NFIC: variants seen among roughly 807,000 people sequenced by gnomAD.
NFIC encodes nuclear factor I C.
NFIC carries 12 observed loss-of-function variants against 54.4 expected under a neutral mutation model. That is an observed-to-expected ratio of 0.22 (90% CI 0.14 to 0.36). NFIC has a LOEUF of 0.36. Among genes scored for constraint, NFIC ranks in the 10% least tolerant of loss-of-function variants. The probability of loss-of-function intolerance (pLI) is 1.00; values close to 1 mark genes in which losing one functional copy is unlikely to be tolerated. For missense variants in NFIC, 575 were observed against 718.2 expected, an observed-to-expected ratio of 0.80 and a Z score of 2.28; for synonymous variants, 322 against 319.2, an observed-to-expected ratio of 1.01 and a Z score of -0.09.
At chr19:3,363,843 G>A (rs999007155), upstream of NFIC, among the ~76,000 whole-genome samples, 1 of 152,218 alleles carries the variant, frequency 6.6e-6, no homozygotes, top group African/African-American at 2.4e-5. Context: ...GCACCCTGCA[G>A]GGCCCAGGAC....
At chr19:3,437,531 C>T (rs1568183162) in intron 6 of NFIC, among the ~76,000 whole-genome samples, 1 of 148,588 alleles carries the variant, frequency 6.7e-6, no homozygotes, top group East Asian at 2.0e-4. Context: ...TTATGAGGTT[C>T]TTTTTTTGTT....
rs373976044 is a variant in NFIC, at chr19:3,453,903, G to T, written c.1410G>T (p.Ser470=). 1.3e-5 allele frequency: 20 copies of T among 1,542,338 alleles called. No homozygotes were observed. In the African/African-American group the frequency reaches 2.8e-4, roughly 21 times the overall value. The part of the protein sequence containing the change: ...PATTSEGGAT[S]PTSPSYSPPD... The stretch of plus-strand genomic sequence containing the variant: ...CCACCTCCGAGGGAGGAGCCACGTC[G>T]CCGACCTCGCCTTGTAAGCACGCGG... Residue 470 remains serine, a synonymous_variant, in exon 9 of 11, where the codon TCG becomes TCT. Coordinates refer to ENST00000443272, the MANE Select transcript of NFIC (RefSeq NM_001245002.2). The surrounding 1 kb of genome is among the most constrained non-coding windows in gnomAD (Gnocchi z 6.7).
At chr19:3,398,045 A>C (rs187911945) in intron 2 of NFIC, among the ~76,000 whole-genome samples, 249 of 152,090 alleles carry the variant, frequency 1.6e-3, no homozygotes, top group African/African-American at 5.8e-3. Flanking sequence ...GGCAGATGGC[A>C]TATTATCCAG....
intron 7 of NFIC, among the ~76,000 whole-genome samples, chr19:3,451,232 A>C (rs1267033377): frequency 2.6e-5 from 4 of 152,188 alleles, no homozygotes; most frequent in Admixed American, 1.3e-4. Context: ...CATTTCTATG[A>C]AATGTCCAGG....
At chr19:3,362,139 G>T (rs2080819639), upstream of NFIC, among the ~76,000 whole-genome samples, 1 of 152,192 alleles carries the variant, frequency 6.6e-6, no homozygotes, top group African/African-American at 2.4e-5. Context: ...CAGGGAGGTG[G>T]CGTGCTGTGT....
chr19:3,382,197 C>G lies in NFIC; in HGVS notation c.516C>G (p.Ala172=), dbSNP rs747383316. 3 of 1,609,370 alleles carry G rather than the reference C, an allele frequency of 1.9e-6. No homozygotes were observed. The African/African-American group carries it at 4.0e-5, about 21-fold the overall frequency. The change falls in exon 2 of 11, where the codon GCC becomes GCG. Residue 172 remains alanine, a synonymous_variant. Coordinates refer to ENST00000443272, the MANE Select transcript of NFIC (RefSeq NM_001245002.2). ...LCVQPHHIGV[A]VKELDLYLAY... is the part of the protein sequence containing the mutation. ...TGCAGCCGCACCACATTGGCGTGGC[C>G]GTCAAGGAGCTGGACCTCTACCTGG...
At chr19:3,393,573 G>A (rs2081409596) in intron 2 of NFIC, among the ~76,000 whole-genome samples, 1 of 151,650 alleles carries the variant, frequency 6.6e-6, no homozygotes, top group Non-Finnish European at 1.5e-5. Flanking sequence ...CCAGCACTTT[G>A]GGAGACCGAG....
In NFIC at chr19:3,436,122, C is replaced by A. The variant is rs560781809; in HGVS notation, c.958+915C>A. Among the ~76,000 whole-genome samples the A allele has an allele frequency of 2.8e-5, 4 of 140,442 alleles. No homozygotes were observed. In the East Asian group the frequency reaches 8.4e-4, roughly 30 times the overall value. 92.1% of individuals were successfully genotyped at this position (140,442 alleles called of 152,430 possible). A position where few individuals can be genotyped will look rare whatever the true frequency, so the allele number is the denominator to read the frequency against. On this transcript the variant is annotated intron_variant, in intron 6 of 10. Transcript: ENST00000443272. ...GGATTACAGGCGTGAGCCACCACGC[C>A]CGGCCTCTGTTTTTGTTTGTTTGTT...
chr19:3,407,685 T>G, intron 2 of NFIC, among the ~76,000 whole-genome samples: 1 of 142,154 alleles, frequency 7.0e-6, no homozygotes, highest in East Asian at 2.2e-4. Context: ...CTGCTCGCCT[T>G]GGCCTCCCAA....
rs533975462 is a variant in NFIC, at chr19:3,386,614, C to T, written c.562+4371C>T. 3.1e-4 allele frequency among the ~76,000 whole-genome samples: 47 copies of T among 152,158 alleles called. 1 individual carries two copies. The highest frequency in any genetic ancestry group is 1.0e-3 in the African/African-American group (43 of 41,534). On this transcript the variant is annotated intron_variant, in intron 2 of 10. Coordinates refer to ENST00000443272, the MANE Select transcript of NFIC (RefSeq NM_001245002.2). ...CTGGGATGACAGGCGTGAGCCACCGCGCCCGGCCTGTTGTACGCATTTTAC... is the reference window on the plus strand; with the variant it reads ...CTGGGATGACAGGCGTGAGCCACCGTGCCCGGCCTGTTGTACGCATTTTAC...
chr19:3,426,227 C>G (rs1376197366), intron 3 of NFIC, among the ~76,000 whole-genome samples: 1 of 151,858 alleles, frequency 6.6e-6, no homozygotes, highest in African/African-American at 2.4e-5. Context: ...GCCACCGCGC[C>G]TGGCTTTTTT....
rs781515561 is a variant in NFIC at position 3,462,806 on chromosome 19, C to T, written c.*37C>T. The T allele has an allele frequency of 2.5e-6, 4 of 1,613,802 alleles. No individual in the cohort carries two copies. The East Asian group carries it at 6.7e-5, about 27-fold the overall frequency. On this transcript the variant is annotated 3_prime_UTR_variant, in exon 11 of 11. Coordinates refer to ENST00000443272, the MANE Select transcript of NFIC (RefSeq NM_001245002.2). ...TTCCCTCGCCCCTTCTCCATCGTCCCAGGAATCCCAGGGGGCAGCACAGCC... is the reference window on the plus strand; with the variant it reads ...TTCCCTCGCCCCTTCTCCATCGTCCTAGGAATCCCAGGGGGCAGCACAGCC...
At position 3,369,341 on chromosome 19, in the gene NFIC, C is replaced by T. The variant is rs367843577; in HGVS notation, c.30+2675C>T. Among the ~76,000 whole-genome samples, 1,329 of 152,166 alleles carry T rather than the reference C, an allele frequency of 8.7e-3. 9 individuals are homozygous for T. The highest frequency in any genetic ancestry group is 0.02 in the Middle Eastern group (6 of 294). On this transcript the variant is annotated intron_variant, in intron 1 of 10. Coordinates refer to ENST00000443272, the MANE Select transcript of NFIC (RefSeq NM_001245002.2). The surrounding 1 kb of genome is among the most constrained non-coding windows in gnomAD (Gnocchi z 4.3). ...CGTGTCTCCCCTTGCCCCCTCTCTC[C>T]CTGTCTCTCTCTATCTCTGCATGTG... is the stretch of plus-strand genomic sequence containing the variant.
At position 3,369,152 on chromosome 19, in the gene NFIC, C is replaced by T. The variant is rs574919166; in HGVS notation, c.30+2486C>T. 6.6e-6 allele frequency among the ~76,000 whole-genome samples: 1 copy of T among 152,112 alleles called. No homozygotes were observed. Among genetic ancestry groups the T allele is most frequent in the Admixed American group, 6.5e-5 (1 of 15,272 alleles). The stretch of plus-strand genomic sequence containing the variant: ...GTCTCTTTGATGTGTCTCTGTCTCT[C>T]TGTCTCTCCCTCCCTTTGCCTTCTT... On this transcript the variant is annotated intron_variant, in intron 1 of 10. Coordinates refer to ENST00000443272, the MANE Select transcript of NFIC (RefSeq NM_001245002.2). The surrounding 1 kb of genome is among the most constrained non-coding windows in gnomAD (Gnocchi z 4.3).
intron 1 of NFIC, among the ~76,000 whole-genome samples, chr19:3,379,750 C>T (rs1045995519): frequency 2.2e-5 from 3 of 134,154 alleles, no homozygotes; most frequent in African/African-American, 6.0e-5. Flanking sequence ...AGATCAATGG[C>T]GCAACCTTGG....
intron 6 of NFIC, among the ~76,000 whole-genome samples, chr19:3,437,759 G>A (rs1425235630): frequency 1.3e-5 from 2 of 150,014 alleles, no homozygotes; most frequent in Admixed American, 6.7e-5. Flanking sequence ...GTGCAATCTC[G>A]GCTCCACCTC....
intron 1 of NFIC, among the ~76,000 whole-genome samples, chr19:3,367,619 C>T (rs1025802301): frequency 3.3e-5 from 5 of 152,208 alleles, no homozygotes; most frequent in African/African-American, 9.7e-5. Flanking sequence ...CCCAGGCTCC[C>T]GGGGACCCCG....
chr19:3,397,723 C>T lies in NFIC; in HGVS notation c.562+15480C>T, dbSNP rs533111550. Reference sequence around the variant, plus strand: ...GCCTCTTGTTCCTGGCCACACCCGCCCCTTGGGGTCACCCTGGGACATGCC... The same window carrying T: ...GCCTCTTGTTCCTGGCCACACCCGCTCCTTGGGGTCACCCTGGGACATGCC... On this transcript the variant is annotated intron_variant, in intron 2 of 10. Transcript: ENST00000443272. 4.9e-4 allele frequency among the ~76,000 whole-genome samples: 74 copies of T among 152,322 alleles called. No homozygotes were observed. The South Asian group carries it at 6.4e-3, about 13-fold the overall frequency.
intron 6 of NFIC, among the ~76,000 whole-genome samples, chr19:3,447,290 C>T (rs755552563): frequency 1.4e-5 from 2 of 142,396 alleles, no homozygotes; most frequent in African/African-American, 5.4e-5. Flanking sequence ...CAGAGGGAGA[C>T]TCTATCTCAA....
Sources: gnomAD v4.1 joint callset for allele counts (sites outside exome capture counted in the v4.1 genomes callset) on GRCh38, gnomAD v4.1.1 for gene constraint, Gnocchi (gnomAD v3.1) non-coding constraint, MANE v1.5 for transcripts, NCBI Gene and HGNC (gene_info 2026-07-23, HGNC 2026-07-21) for gene names.